Variants in LCN9 observed in about 807,000 individuals in gnomAD.
LCN9 encodes the protein lipocalin 9.
In LCN9, 22 loss-of-function variants were observed where a neutral mutation model predicts 18.5. The ratio of observed to expected loss-of-function variants is 1.19; its 90% CI spans 0.85 to 1.70. The LOEUF (loss-of-function observed/expected upper bound fraction) is 1.70. LCN9 is among the 40% of genes most tolerant of loss of function. The pLI is 0.00. For missense variants in LCN9, 202 were observed against 201.3 expected (o/e 1.00, Z -0.02); for synonymous variants, 89 against 83.0 (o/e 1.07, Z -0.39).
In LCN9 at chr9:135,664,213, A is replaced by C; in HGVS notation, c.148A>C (p.Ile50Leu). Residue 50 changes from isoleucine to leucine, a missense_variant, in exon 2 of 6, where the codon ATT becomes CTT. By Grantham distance (5) the Ile-to-Leu change is conservative. Transcript: ENST00000619315. The surrounding 1 kb of genome is among the most constrained non-coding windows in gnomAD (Gnocchi z 4.5). The stretch of plus-strand genomic sequence containing the variant: ...CATGGCCTCAGATGACCTGAATCGG[A>C]TTAAAGAAAATGGAGACCTGAGGGT... 3 of 1,613,252 alleles carry C rather than the reference A, an allele frequency of 1.9e-6. No individual in the cohort carries two copies. The East Asian group carries it at 6.7e-5, about 36-fold the overall frequency.
In LCN9 at chr9:135,665,520, A is replaced by G. The variant is rs1037087354; in HGVS notation, c.418+165A>G. The G allele has an allele frequency of 1.7e-5, 14 of 825,270 alleles. No homozygotes were observed. Among genetic ancestry groups the G allele is most frequent in the Non-Finnish European group, 2.7e-5 (14 of 513,358 alleles). 51.1% of individuals were successfully genotyped at this position (825,270 alleles called of 1,614,324 possible). ...ACACCGTTAGGGTGCTGGGTGCTTC[A>G]ATCTGTCACCTCCCATCTCACTTGG... On this transcript the variant is annotated intron_variant, in intron 4 of 5. Coordinates refer to ENST00000619315, the Ensembl canonical transcript of LCN9. This position sits in a 1 kb window ranked among gnomAD's most constrained non-coding sequence, Gnocchi z 5.9.
rs2119181019 is a variant in LCN9 at position 135,666,000 on chromosome 9, A to G, written c.*149A>G. The G allele has an allele frequency of 4.4e-6, 7 of 1,599,394 alleles. No homozygotes were observed. The highest frequency in any genetic ancestry group is 5.1e-6 in the Non-Finnish European group (6 of 1,179,116). Reference sequence around the variant, plus strand: ...CGGGGTCCCACCCCAGGAGGTGCCCATCCCTCCCCCTGGTCTGGGAACCGA... The same window carrying G: ...CGGGGTCCCACCCCAGGAGGTGCCCGTCCCTCCCCCTGGTCTGGGAACCGA... On this transcript the variant is annotated 3_prime_UTR_variant, in exon 6 of 6. Coordinates refer to ENST00000619315, the Ensembl canonical transcript of LCN9. This position sits in a 1 kb window ranked among gnomAD's most constrained non-coding sequence, Gnocchi z 5.9.
rs563086112 is a variant in LCN9, at chr9:135,663,354, C to G, written c.33C>G (p.Ser11Arg). 1.1e-5 allele frequency: 17 copies of G among 1,613,904 alleles called. No homozygotes were observed. In the African/African-American group the frequency reaches 2.3e-4, roughly 22 times the overall value. ...TGCTTCTGCTGAGCCTGGGGCTGAG[C>G]CTCATCGCAGCCCAGGAGTTCGATC... is the stretch of plus-strand genomic sequence containing the variant. The change falls in exon 1 of 6, where the codon AGC (serine) becomes AGG (arginine). Residue 11 changes from serine (S) to arginine (R), a missense_variant. Coordinates refer to ENST00000619315, the Ensembl canonical transcript of LCN9.
chr9:135,663,486 G>C, intron 1 of LCN9, 69 bp downstream of exon 1: 1 of 1,401,306 alleles, frequency 7.1e-7, no homozygotes, highest in Non-Finnish European at 1.0e-6. Flanking sequence ...CCAGCCTGGG[G>C]TCTCTGACCT....
In LCN9 at chr9:135,665,567, G is replaced by T; in HGVS notation, c.419-121G>T. 9.9e-7 allele frequency: 1 copy of T among 1,008,156 alleles called. No homozygotes were observed. 62.5% of individuals were successfully genotyped at this position (1,008,156 alleles called of 1,614,324 possible). A position where few individuals can be genotyped will look rare whatever the true frequency, so the allele number is the denominator to read the frequency against. On this transcript the variant is annotated intron_variant, in intron 4 of 5. Coordinates refer to ENST00000619315, the Ensembl canonical transcript of LCN9. The surrounding 1 kb of genome is among the most constrained non-coding windows in gnomAD (Gnocchi z 5.9). ...TTGGCACAAAGCCCCTCTCTGGTCA[G>T]GGCGTGACCCCCTGCCCAGCCTCAG...
At position 135,665,420 on chromosome 9, in the gene LCN9, C is replaced by A; in HGVS notation, c.418+65C>A. ...ACCTCCTCTGAAGTCCGGCCCAACC[C>A]TGGGCGGAGGAGGGTCTCGCAGTGG... On this transcript the variant is annotated intron_variant, in intron 4 of 5. Transcript: ENST00000619315. This position sits in a 1 kb window ranked among gnomAD's most constrained non-coding sequence, Gnocchi z 5.9. The A allele has an allele frequency of 1.5e-6, 2 of 1,316,552 alleles. No homozygotes were observed. Among genetic ancestry groups the A allele is most frequent in the South Asian group, 1.3e-5 (1 of 79,518 alleles). 81.6% of individuals were successfully genotyped at this position (1,316,552 alleles called of 1,614,324 possible).
At chr9:135,663,504 G>A in intron 1 of LCN9, 87 bp downstream of exon 1, 9 of 1,242,038 alleles carry the variant, frequency 7.2e-6, no homozygotes, top group Non-Finnish European at 1.1e-5. Flanking sequence ...CCTGTGACCA[G>A]GGCAACTGGT....
chr9:135,664,133 C>T lies in LCN9; in HGVS notation c.97-29C>T, dbSNP rs975734318. 1.2e-6 allele frequency: 2 copies of T among 1,611,328 alleles called. No homozygotes were observed. ...GCATCCCCAGGGCTGTCCCGCGGCC[C>T]CCCACCCACTGGAGCTCTTTGTCTT... On this transcript the variant is annotated intron_variant, in intron 1 of 5. Coordinates refer to ENST00000619315, the Ensembl canonical transcript of LCN9. This position sits in a 1 kb window ranked among gnomAD's most constrained non-coding sequence, Gnocchi z 4.5.
At chr9:135,663,549 A>G (rs1308530895) in intron 1 of LCN9, 132 bp downstream of exon 1, 1 of 461,016 alleles carries the variant, frequency 2.2e-6, no homozygotes, top group Non-Finnish European at 4.2e-6. Flanking sequence ...CCAAGCTGTG[A>G]CAGCAGCCTG....
At position 135,664,963 on chromosome 9, in the gene LCN9, G is replaced by T. The variant is rs920923030; in HGVS notation, c.307+168G>T. Among the ~76,000 whole-genome samples, 53 of 152,142 alleles carry T rather than the reference G, an allele frequency of 3.5e-4. No homozygotes were observed. Among genetic ancestry groups the T allele is most frequent in the African/African-American group, 1.0e-3 (43 of 41,438 alleles). ...TGGCACCTACCCAGGGGGGCTCCTG[G>T]CCCAGGGGAAGCAGGGAGGCAGGTG... On this transcript the variant is annotated intron_variant, in intron 3 of 5. Transcript: ENST00000619315. The surrounding 1 kb of genome is among the most constrained non-coding windows in gnomAD (Gnocchi z 4.5).
At position 135,665,343 on chromosome 9, in the gene LCN9, C is replaced by T. The variant is rs1467556085; in HGVS notation, c.406C>T (p.Leu136=). 6.3e-7 allele frequency: 1 copy of T among 1,599,484 alleles called. No homozygotes were observed. The change falls in exon 4 of 6, where the codon CTG becomes TTG. Residue 136 remains leucine (L), a synonymous_variant. Transcript: ENST00000619315. The surrounding 1 kb of genome is among the most constrained non-coding windows in gnomAD (Gnocchi z 5.9). ...CAGGAACGGGACCGAGACCCACACG[C>T]TGGCGCTCTATGGTACCTCCGCTGT...
At position 135,665,267 on chromosome 9, in the gene LCN9, C is replaced by A. The variant is rs770752020; in HGVS notation, c.330C>A (p.Ala110=). ...CAGATGAGGGCCAGAACACAGTGGC[C>A]GTCTCGGAGACTGACTACAGGCTGT... is the stretch of plus-strand genomic sequence containing the variant. Residue 110 remains alanine (A), a synonymous_variant, in exon 4 of 6, where the codon GCC becomes GCA. Transcript: ENST00000619315. The surrounding 1 kb of genome is among the most constrained non-coding windows in gnomAD (Gnocchi z 5.9). 40 of 1,599,784 alleles carry A rather than the reference C, an allele frequency of 2.5e-5. No homozygotes were observed. The highest frequency in any genetic ancestry group is 3.2e-5 in the Non-Finnish European group (38 of 1,173,422).
rs765897015 is a variant in LCN9 at position 135,664,320 on chromosome 9, T to C, written c.233+22T>C. 3 of 1,613,334 alleles carry C rather than the reference T, an allele frequency of 1.9e-6. No individual in the cohort carries two copies. The highest frequency in any genetic ancestry group is 2.5e-6 in the Non-Finnish European group (3 of 1,179,732). Reference sequence around the variant, plus strand: ...ACATGTGCGTGTTGCCCATCTCAGCTGGCATCAGGAAGACCCATGCCCCTG... The same window carrying C: ...ACATGTGCGTGTTGCCCATCTCAGCCGGCATCAGGAAGACCCATGCCCCTG... On this transcript the variant is annotated intron_variant, in intron 2 of 5. Coordinates refer to ENST00000619315, the Ensembl canonical transcript of LCN9. The surrounding 1 kb of genome is among the most constrained non-coding windows in gnomAD (Gnocchi z 4.5).
chr9:135,664,242 C>G lies in LCN9; in HGVS notation c.177C>G (p.Phe59Leu). 1 of 1,613,704 alleles carries G rather than the reference C, an allele frequency of 6.2e-7. No homozygotes were observed. Among genetic ancestry groups the G allele is most frequent in the Non-Finnish European group, 8.5e-7 (1 of 1,179,786 alleles). The change falls in exon 2 of 6, where the codon TTC (phenylalanine) becomes TTG (leucine). Residue 59 changes from phenylalanine to leucine, a missense_variant. Physicochemically the swap from Phe to Leu is conservative, Grantham distance 22 (BLOSUM62 0). Coordinates refer to ENST00000619315, the Ensembl canonical transcript of LCN9. This position sits in a 1 kb window ranked among gnomAD's most constrained non-coding sequence, Gnocchi z 4.5. ...AAGAAAATGGAGACCTGAGGGTCTT[C>G]GTCCGGAATATTGAACACTTGAAGA...
chr9:135,665,492 G>C lies in LCN9; in HGVS notation c.418+137G>C. 1.2e-6 allele frequency: 1 copy of C among 834,594 alleles called. No individual in the cohort carries two copies. Among genetic ancestry groups the C allele is most frequent in the Admixed American group, 2.1e-5 (1 of 47,604 alleles). The allele number at this position is 834,594 out of a possible 1,614,324, so 51.7% of individuals were successfully genotyped here. Reference sequence around the variant, plus strand: ...TTCCCGTTGGCTATTCCTTCCCACAGACACACCGTTAGGGTGCTGGGTGCT... The same window carrying C: ...TTCCCGTTGGCTATTCCTTCCCACACACACACCGTTAGGGTGCTGGGTGCT... On this transcript the variant is annotated intron_variant, in intron 4 of 5. Transcript: ENST00000619315. This position sits in a 1 kb window ranked among gnomAD's most constrained non-coding sequence, Gnocchi z 5.9.
chr9:135,666,954 C>T (rs943161199), exon 6 of LCN9, among the ~76,000 whole-genome samples: 1 of 152,134 alleles, frequency 6.6e-6, no homozygotes, highest in East Asian at 1.9e-4. Context: ...AAGGGAGGTA[C>T]CAGCCAATCT....
Position 135,665,757 on chromosome 9 carries a change from G to GC in LCN9, c.*9+9dup. The stretch of plus-strand genomic sequence containing the variant: ...TCATCGACTTGACCAACAAAGGTCA[G>GC]CCCCACTGCTCCCGGACCAAGCGGG... On this transcript the variant is annotated splice_donor_region_variant and intron_variant, in intron 5 of 5. Coordinates refer to ENST00000619315, the Ensembl canonical transcript of LCN9. This position sits in a 1 kb window ranked among gnomAD's most constrained non-coding sequence, Gnocchi z 5.9. 1.2e-6 allele frequency: 2 copies of GC among 1,613,362 alleles called. No homozygotes were observed. The highest frequency in any genetic ancestry group is 8.5e-7 in the Non-Finnish European group (1 of 1,179,636).
exon 6 of LCN9, chr9:135,666,212 C>G (rs1467197458): frequency 1.3e-6 from 2 of 1,483,316 alleles, no homozygotes. Flanking sequence ...GCCTGGAGCC[C>G]GAGGTCTGAA....
Position 135,665,386 on chromosome 9 carries a change from G to A in LCN9, c.418+31G>A, listed in dbSNP as rs766745432. On this transcript the variant is annotated intron_variant, in intron 4 of 5. Coordinates refer to ENST00000619315, the Ensembl canonical transcript of LCN9. This position sits in a 1 kb window ranked among gnomAD's most constrained non-coding sequence, Gnocchi z 5.9. ...TCCGCTGTCCCCCTCTGACCCCCTC[G>A]GGGACCCCACCTCCTCTGAAGTCCG... The A allele has an allele frequency of 2.2e-5, 33 of 1,530,252 alleles. No individual in the cohort carries two copies. The highest frequency in any genetic ancestry group is 1.8e-4 in the Middle Eastern group (1 of 5,540). 94.8% of individuals were successfully genotyped at this position (1,530,252 alleles called of 1,614,324 possible). A position where few individuals can be genotyped will look rare whatever the true frequency, so the allele number is the denominator to read the frequency against.
Sources: gnomAD v4.1 joint callset for allele counts (sites outside exome capture counted in the v4.1 genomes callset) on GRCh38, gnomAD v4.1.1 for gene constraint, Gnocchi (gnomAD v3.1) non-coding constraint, MANE v1.5 for transcripts, NCBI Gene and HGNC (gene_info 2026-07-23, HGNC 2026-07-21) for gene names.